Variants in PLXDC2 observed in about 807,000 individuals in gnomAD.
PLXDC2 encodes plexin domain-containing protein 2.
A neutral mutation model predicts 68.9 loss-of-function variants in PLXDC2; 40 were observed. The observed-to-expected ratio is 0.58, with a 90% CI of 0.45 to 0.76. The LOEUF (loss-of-function observed/expected upper bound fraction) is 0.76, where lower values mean the gene tolerates loss of function less well. Among genes scored for constraint, PLXDC2 ranks in the 30% least tolerant of loss-of-function variants. PLXDC2 has a pLI of 0.00. For missense variants in PLXDC2, 644 were observed against 661.9 expected, an observed-to-expected ratio of 0.97 and a Z score of 0.30; for synonymous variants, 243 against 234.2, an observed-to-expected ratio of 1.04 and a Z score of -0.34.
At chr10:20,014,873 A>T (rs1835183102) in intron 2 of PLXDC2, among the ~76,000 whole-genome samples, 1 of 148,996 alleles carries the variant, frequency 6.7e-6, no homozygotes, top group African/African-American at 2.4e-5. Flanking sequence ...ACAATGTTGA[A>T]ACATTTCAAA....
intron 1 of PLXDC2, among the ~76,000 whole-genome samples, 188 bp downstream of exon 1, chr10:19,817,379 G>A (rs1836373151): frequency 6.6e-6 from 1 of 152,138 alleles, no homozygotes; most frequent in African/African-American, 2.4e-5. Flanking sequence ...GGACGCCGGG[G>A]ACTAGGGGTT....
chr10:20,183,123 T>A (rs574301835), intron 9 of PLXDC2, among the ~76,000 whole-genome samples: 34 of 151,658 alleles, frequency 2.2e-4, no homozygotes, highest in African/African-American at 8.2e-4. Flanking sequence ...AAATAAAGAG[T>A]TTGCTTTGGG....
chr10:20,177,199 G>C lies in PLXDC2; in HGVS notation c.979+105G>C, dbSNP rs371708592. 1.3e-5 allele frequency: 17 copies of C among 1,338,648 alleles called. No individual in the cohort carries two copies. In the South Asian group the frequency reaches 1.4e-4, roughly 11 times the overall value. The allele number at this position is 1,338,648 out of a possible 1,614,324, so 82.9% of individuals were successfully genotyped here. A position where few individuals can be genotyped will look rare whatever the true frequency, so the allele number is the denominator to read the frequency against. On this transcript the variant is annotated intron_variant, in intron 8 of 13. Coordinates refer to ENST00000377252, the MANE Select transcript of PLXDC2 (RefSeq NM_032812.9). ...ATATTAAATAATTACCATTATAATT[G>C]TGTTTGGCATGCATGGGCATTTTGC...
At chr10:20,036,758 C>G (rs75201663) in intron 2 of PLXDC2, among the ~76,000 whole-genome samples, 3 of 152,138 alleles carry the variant, frequency 2.0e-5, no homozygotes, top group African/African-American at 7.2e-5. Context: ...TGCACACATA[C>G]GCAAGACCCA....
At chr10:19,875,955 A>AT (rs1330762286) in intron 1 of PLXDC2, among the ~76,000 whole-genome samples, 3 of 152,020 alleles carry the variant, frequency 2.0e-5, no homozygotes, top group Non-Finnish European at 4.4e-5. Context: ...TATTTCTGAA[A>AT]TTTTTGTAAC....
intron 10 of PLXDC2, among the ~76,000 whole-genome samples, chr10:20,216,968 T>C (rs566846740): frequency 2.0e-5 from 3 of 152,336 alleles, no homozygotes; most frequent in South Asian, 4.1e-4. Flanking sequence ...AATGAAGTAG[T>C]ATGGGGAAGT....
intron 2 of PLXDC2, among the ~76,000 whole-genome samples, chr10:20,026,038 A>G (rs1389992467): frequency 6.6e-6 from 1 of 152,168 alleles, no homozygotes; most frequent in East Asian, 1.9e-4. Flanking sequence ...ATTGAACTTT[A>G]CAAGTATATG....
intron 12 of PLXDC2, among the ~76,000 whole-genome samples, chr10:20,228,033 G>C (rs1425989567): frequency 6.6e-6 from 1 of 152,186 alleles, no homozygotes; most frequent in Non-Finnish European, 1.5e-5. Context: ...AGTTATCTGG[G>C]TGGACAGTGG....
At chr10:19,978,173 G>A (rs751183098) in intron 1 of PLXDC2, among the ~76,000 whole-genome samples, 2 of 152,088 alleles carry the variant, frequency 1.3e-5, no homozygotes, top group Non-Finnish European at 2.9e-5. Context: ...GGTTTTTAAA[G>A]GTCCCTATAC....
intron 1 of PLXDC2, among the ~76,000 whole-genome samples, chr10:19,833,759 A>T (rs967331922): frequency 2.0e-5 from 3 of 152,224 alleles, no homozygotes; most frequent in African/African-American, 4.8e-5. Flanking sequence ...CTGTGTATAA[A>T]GGAATCCAAA....
intron 1 of PLXDC2, among the ~76,000 whole-genome samples, chr10:19,987,182 C>G (rs12570319): frequency 0.055 from 8,324 of 152,246 alleles, 297 homozygotes; most frequent in Middle Eastern, 0.092. Context: ...TGACCCCTGA[C>G]CCAGGCTAGG....
intron 2 of PLXDC2, among the ~76,000 whole-genome samples, chr10:20,008,620 A>C (rs1835063794): frequency 6.6e-6 from 1 of 152,184 alleles, no homozygotes; most frequent in South Asian, 2.1e-4. Context: ...CAAATTTTGT[A>C]ATGTTGATGT....
In PLXDC2 at chr10:20,001,178, C is replaced by A. The variant is rs146547978; in HGVS notation, c.113-597C>A. Among the ~76,000 whole-genome samples the A allele has an allele frequency of 4.1e-4, 63 of 152,268 alleles. No homozygotes were observed. In the East Asian group the frequency reaches 0.01, roughly 25 times the overall value. ...GATGAACAAAAGTGCAGGGATGACTCCTGAGGGTCTTACTTATTAAATGGG... is the reference window on the plus strand; with the variant it reads ...GATGAACAAAAGTGCAGGGATGACTACTGAGGGTCTTACTTATTAAATGGG... On this transcript the variant is annotated intron_variant, in intron 1 of 13. Coordinates refer to ENST00000377252, the MANE Select transcript of PLXDC2 (RefSeq NM_032812.9).
intron 13 of PLXDC2, among the ~76,000 whole-genome samples, chr10:20,259,329 T>A (rs1355308197): frequency 1.3e-5 from 2 of 152,126 alleles, no homozygotes; most frequent in South Asian, 4.1e-4. Context: ...TAACAGTAAA[T>A]GCAAAAAGAG....
chr10:20,236,489 G>A (rs1835434271), intron 12 of PLXDC2, among the ~76,000 whole-genome samples: 1 of 151,938 alleles, frequency 6.6e-6, no homozygotes, highest in Admixed American at 6.6e-5. Context: ...ATTTTAAATA[G>A]GGAAAAATGA....
intron 9 of PLXDC2, among the ~76,000 whole-genome samples, chr10:20,208,913 A>C (rs1330611989): frequency 6.6e-6 from 1 of 152,076 alleles, no homozygotes; most frequent in African/African-American, 2.4e-5. Context: ...AAAACCAGCA[A>C]GTTTTTATTA....
intron 13 of PLXDC2, among the ~76,000 whole-genome samples, chr10:20,270,048 A>AAAATT (rs1835917363): frequency 1.3e-5 from 2 of 148,512 alleles, no homozygotes; most frequent in Admixed American, 6.7e-5. Flanking sequence ...AAAATAAAAT[A>AAAATT]AAATAAAAAA....
intron 1 of PLXDC2, among the ~76,000 whole-genome samples, chr10:19,941,457 T>C (rs1412083235): frequency 1.3e-5 from 2 of 152,204 alleles, no homozygotes; most frequent in Non-Finnish European, 2.9e-5. Context: ...CAGCAAGATA[T>C]GATGGGCAGA....
At chr10:20,075,974 T>C (rs1216316385) in intron 4 of PLXDC2, among the ~76,000 whole-genome samples, 1 of 152,200 alleles carries the variant, frequency 6.6e-6, no homozygotes, top group Admixed American at 6.5e-5. Context: ...ATCCAGGCTT[T>C]ATTGGAAACA....
Sources: allele counts gnomAD v4.1 joint callset (sites outside exome capture counted in the v4.1 genomes callset), GRCh38; gene constraint gnomAD v4.1.1; transcripts MANE v1.5; gene names NCBI Gene and HGNC (gene_info 2026-07-23, HGNC 2026-07-21).